Variants in ZNF608 observed in about 807,000 individuals in gnomAD.
The protein encoded by ZNF608 is renal carcinoma antigen NY-REN-36.
In ZNF608, 12 loss-of-function variants were observed where a neutral mutation model predicts 109.0. The ratio of observed to expected loss-of-function variants is 0.11; its 90% CI spans 0.07 to 0.18. The LOEUF (loss-of-function observed/expected upper bound fraction) is 0.18, where lower values mean the gene tolerates loss of function less well. ZNF608 is among the 10% of genes least tolerant of loss of function. The probability of loss-of-function intolerance (pLI) is 1.00; values close to 1 mark genes in which losing one functional copy is unlikely to be tolerated. For missense variants in ZNF608, 1,707 were observed against 1,879.3 expected (o/e 0.91, Z 1.70); for synonymous variants, 732 against 717.4 (o/e 1.02, Z -0.33).
At position 124,641,244 on chromosome 5, in the gene ZNF608, C is replaced by T; in HGVS notation, c.4450+8G>A. On this transcript the variant is annotated splice_region_variant and intron_variant, in intron 8 of 9. Coordinates refer to ENST00000513986, the MANE Select transcript of ZNF608 (RefSeq NM_020747.3). ...GGACAAAGACACAGTAATGATAGAG[C>T]TGCTGACCTTGAAAAGGGTCATATT... 1 of 1,613,428 alleles carries T rather than the reference C, an allele frequency of 6.2e-7. No homozygotes were observed. The highest frequency in any genetic ancestry group is 8.5e-7 in the Non-Finnish European group (1 of 1,180,014).
intron 2 of ZNF608, among the ~76,000 whole-genome samples, chr5:124,703,364 T>C (rs570125533): frequency 8.0e-4 from 122 of 152,304 alleles, no homozygotes; most frequent in Non-Finnish European, 1.2e-3. Context: ...ATGACAGTTA[T>C]GGTGGCAAGA....
chr5:124,684,409 T>C (rs1372955552), intron 3 of ZNF608, among the ~76,000 whole-genome samples: 2 of 151,896 alleles, frequency 1.3e-5, no homozygotes, highest in Admixed American at 1.3e-4. Flanking sequence ...AAAAGGGAGG[T>C]TGCAGCCCTG....
chr5:124,746,015 G>T, intron 1 of ZNF608, 180 bp downstream of exon 1: 2 of 437,968 alleles, frequency 4.6e-6, no homozygotes, highest in Non-Finnish European at 6.1e-6. Context: ...AACTGATTAA[G>T]ACATACACTT....
intron 3 of ZNF608, among the ~76,000 whole-genome samples, chr5:124,655,847 TTA>T (rs1171293775): frequency 1.3e-5 from 2 of 152,382 alleles, no homozygotes; most frequent in East Asian, 3.9e-4. Flanking sequence ...GCCTCGGAGC[TTA>T]TAACCTTCAG....
chr5:124,745,165 A>T lies in ZNF608; in HGVS notation c.-176T>A. On this transcript the variant is annotated 5_prime_UTR_variant, in exon 2 of 10. Coordinates refer to ENST00000513986, the MANE Select transcript of ZNF608 (RefSeq NM_020747.3). ...GATTTTACACCCTCAGTCCAGGTCC[A>T]CCTTTTCCTGTGAAGGGGGGGGGAA... 2.1e-6 allele frequency: 3 copies of T among 1,397,914 alleles called. No individual in the cohort carries two copies. The highest frequency in any genetic ancestry group is 1.7e-5 in the South Asian group (1 of 57,206). 86.6% of individuals were successfully genotyped at this position (1,397,914 alleles called of 1,614,324 possible).
intron 9 of ZNF608, chr5:124,638,920 AG>A: frequency 1.3e-6 from 1 of 772,198 alleles, no homozygotes; most frequent in Non-Finnish European, 1.9e-6. Context: ...AAAACTAATC[AG>A]TTAATTACTA....
chr5:124,737,449 T>G (rs1317562278), intron 2 of ZNF608, among the ~76,000 whole-genome samples: 1 of 152,198 alleles, frequency 6.6e-6, no homozygotes, highest in East Asian at 1.9e-4. Context: ...AAGTATTTGT[T>G]CATCATTTCA....
rs143779537 is a variant in ZNF608, at chr5:124,649,675, C to T, written c.1185G>A (p.Thr395=). ...TEEGVLVVNV[T]WRNKTYVGTL... ...TTCCCACGTACGTTTTGTTCCTCCA[C>T]GTGACATTGACCACTAGGACACCTG... The change falls in exon 4 of 10, where the codon ACG becomes ACA. Residue 395 remains threonine, a synonymous_variant. Coordinates refer to ENST00000513986, the MANE Select transcript of ZNF608 (RefSeq NM_020747.3). The T allele has an allele frequency of 1.2e-5, 20 of 1,607,864 alleles. 1 individual carries two copies. Among genetic ancestry groups the T allele is most frequent in the East Asian group, 2.2e-5 (1 of 44,540 alleles).
chr5:124,708,897 T>G (rs1753369708), intron 2 of ZNF608: 1 of 415,420 alleles, frequency 2.4e-6, no homozygotes. Context: ...CAAGGCCCGG[T>G]GCAGTGGCTC....
chr5:124,687,764 T>C (rs186223923), intron 3 of ZNF608, among the ~76,000 whole-genome samples: 2 of 152,294 alleles, frequency 1.3e-5, no homozygotes, highest in East Asian at 3.9e-4. Context: ...CAAACTTATT[T>C]GAGATCAGAA....
chr5:124,639,284 A>T, intron 8 of ZNF608, 70 bp from the exon 9 acceptor site: 1 of 1,365,830 alleles, frequency 7.3e-7, no homozygotes, highest in Non-Finnish European at 1.0e-6. Context: ...CCCAGTGGAG[A>T]AGGGCCGCAG....
intron 3 of ZNF608, among the ~76,000 whole-genome samples, chr5:124,675,364 C>A (rs1188312879): frequency 1.3e-5 from 2 of 152,224 alleles, no homozygotes; most frequent in African/African-American, 4.8e-5. Flanking sequence ...TCTTCTGGAG[C>A]CTTCCAACCT....
intron 3 of ZNF608, among the ~76,000 whole-genome samples, chr5:124,674,534 T>A (rs1209006637): frequency 6.6e-6 from 1 of 152,258 alleles, no homozygotes. Context: ...GACTGCATAT[T>A]AAATCAATTA....
intron 2 of ZNF608, among the ~76,000 whole-genome samples, chr5:124,722,422 C>T (rs564819288): frequency 1.6e-4 from 25 of 152,150 alleles, no homozygotes; most frequent in Non-Finnish European, 2.2e-4. Flanking sequence ...GTGTATTTAC[C>T]GGCTGTAAAT....
chr5:124,748,340 A>T (rs1248943293), upstream of ZNF608, among the ~76,000 whole-genome samples: 1 of 152,196 alleles, frequency 6.6e-6, no homozygotes, highest in Non-Finnish European at 1.5e-5. Context: ...TGCCCAGTCA[A>T]GCTTAATTTG....
At chr5:124,681,347 C>T (rs909745103) in intron 3 of ZNF608, among the ~76,000 whole-genome samples, 6 of 152,074 alleles carry the variant, frequency 3.9e-5, no homozygotes, top group Non-Finnish European at 7.4e-5. Context: ...ATCCCAGCTA[C>T]TCAAGAGGCT....
At chr5:124,680,480 G>A (rs556786058) in intron 3 of ZNF608, among the ~76,000 whole-genome samples, 23 of 152,050 alleles carry the variant, frequency 1.5e-4, no homozygotes, top group Non-Finnish European at 2.8e-4. Flanking sequence ...AAGCCTTTTC[G>A]GGGAAAACTG....
At chr5:124,686,121 A>G (rs1752399971) in intron 3 of ZNF608, among the ~76,000 whole-genome samples, 1 of 152,210 alleles carries the variant, frequency 6.6e-6, no homozygotes, top group African/African-American at 2.4e-5. Flanking sequence ...TTCTCTAGTA[A>G]CTGGGAAATT....
intron 2 of ZNF608, among the ~76,000 whole-genome samples, chr5:124,741,603 T>A (rs1749405463): frequency 6.6e-6 from 1 of 152,186 alleles, no homozygotes; most frequent in African/African-American, 2.4e-5. Context: ...AGTGTTGAAA[T>A]ATTTTTTCAG....
Sources: allele counts gnomAD v4.1 joint callset (sites outside exome capture counted in the v4.1 genomes callset), GRCh38; gene constraint gnomAD v4.1.1; transcripts MANE v1.5; gene names NCBI Gene and HGNC (gene_info 2026-07-23, HGNC 2026-07-21).